The following CSGALNACT2 variants were observed in gnomAD, a reference collection of about 807,000 sequenced individuals.
CSGALNACT2 encodes beta 4 GalNAcT-2.
Under a neutral mutation model 55.3 loss-of-function variants are expected in CSGALNACT2, and 35 were observed. The observed-to-expected ratio is 0.63, with a 90% CI of 0.48 to 0.84. CSGALNACT2 has a LOEUF of 0.84. CSGALNACT2 is among the 40% of genes least tolerant of loss of function. The pLI is 0.00. For missense variants in CSGALNACT2, 544 were observed against 657.5 expected, an observed-to-expected ratio of 0.83 and a Z score of 1.89; for synonymous variants, 196 against 224.9, an observed-to-expected ratio of 0.87 and a Z score of 1.15.
chr10:43,155,895 C>T (rs41298785), intron 2 of CSGALNACT2, 85 bp downstream of exon 2: 41 of 1,125,444 alleles, frequency 3.6e-5, no homozygotes, highest in Middle Eastern at 2.1e-4. Context: ...TAGTATTGTA[C>T]TGTAGACAAA....
intron 1 of CSGALNACT2, among the ~76,000 whole-genome samples, chr10:43,147,378 C>A (rs1380086446): frequency 6.6e-6 from 1 of 152,120 alleles, no homozygotes; most frequent in Non-Finnish European, 1.5e-5. Context: ...AAAATATATT[C>A]TTGGTACAAG....
intron 1 of CSGALNACT2, among the ~76,000 whole-genome samples, chr10:43,151,731 T>A (rs902751666): frequency 1.3e-5 from 2 of 152,192 alleles, no homozygotes; most frequent in African/African-American, 4.8e-5. Context: ...ATGAGCTGCA[T>A]CCCATGAACT....
chr10:43,167,165 T>C, intron 6 of CSGALNACT2, 67 bp downstream of exon 6: 1 of 1,020,676 alleles, frequency 9.8e-7, no homozygotes, highest in Non-Finnish European at 1.5e-6. Flanking sequence ...GTTGTGTAAG[T>C]AGAAAACAAA....
chr10:43,162,096 A>C (rs1011339729), intron 4 of CSGALNACT2: 4 of 507,560 alleles, frequency 7.9e-6, no homozygotes, highest in Non-Finnish European at 1.6e-5. Flanking sequence ...AAATCAAAAC[A>C]ACTCTTGTTT....
At chr10:43,156,149 T>A (rs1006879173) in intron 2 of CSGALNACT2, among the ~76,000 whole-genome samples, 2 of 152,198 alleles carry the variant, frequency 1.3e-5, no homozygotes, top group African/African-American at 4.8e-5. Context: ...TTTATGTTTT[T>A]AAAAAATGTG....
intron 6 of CSGALNACT2, among the ~76,000 whole-genome samples, chr10:43,167,980 T>G (rs1487385558): frequency 2.9e-5 from 3 of 102,036 alleles, no homozygotes; most frequent in Admixed American, 2.7e-4. Context: ...TACAAAAAAT[T>G]TAATCATAAA....
rs1185004351 is a variant in CSGALNACT2 at position 43,184,951 on chromosome 10, A to C, written c.*1409A>C. The C allele has an allele frequency of 6.6e-6, 1 of 152,078 alleles. No individual in the cohort carries two copies. Among genetic ancestry groups the C allele is most frequent in the Non-Finnish European group, 1.5e-5 (1 of 68,006 alleles). 9.4% of individuals were successfully genotyped at this position (152,078 alleles called of 1,614,324 possible). A position where few individuals can be genotyped will look rare whatever the true frequency, so the allele number is the denominator to read the frequency against. On this transcript the variant is annotated 3_prime_UTR_variant, in exon 8 of 8. Transcript: ENST00000374466. ...GCTATATTAATTCAATATTACAATA[A>C]CTCTTACCTAATTATTCTTACAAGT...
chr10:43,176,120 C>G (rs1839477028), intron 7 of CSGALNACT2, 88 bp downstream of exon 7: 3 of 1,048,584 alleles, frequency 2.9e-6, no homozygotes, highest in Non-Finnish European at 2.8e-6. Context: ...TGAGTGTTTT[C>G]CTACTAAAGT....
intron 1 of CSGALNACT2, among the ~76,000 whole-genome samples, chr10:43,140,441 A>G (rs1208175916): frequency 6.6e-6 from 1 of 152,234 alleles, no homozygotes; most frequent in Non-Finnish European, 1.5e-5. Context: ...AAGCATAACT[A>G]TTATGAGTTC....
intron 6 of CSGALNACT2, among the ~76,000 whole-genome samples, chr10:43,172,653 G>A (rs749591584): frequency 3.9e-5 from 6 of 152,142 alleles, no homozygotes; most frequent in Admixed American, 1.3e-4. Flanking sequence ...TTGATGCCAC[G>A]CACTATCCAC....
Position 43,160,515 on chromosome 10 carries a change from C to A in CSGALNACT2, c.900C>A (p.Asp300Glu). The change falls in exon 4 of 8, where the codon GAC (aspartate) becomes GAA (glutamate). Residue 300 changes from aspartate (D) to glutamate (E), a missense_variant. By Grantham distance (45) the Asp-to-Glu change is conservative. Coordinates refer to ENST00000374466, the MANE Select transcript of CSGALNACT2 (RefSeq NM_018590.5). The stretch of plus-strand genomic sequence containing the variant: ...TTAGGGATGTTTGTATTCATCAAGA[C>A]AAGAAGATTCATCTCACAGTGGTGT... ...QNFRDVCIHQDKKIHLTVVYF... is the reference protein window; with the variant it reads ...QNFRDVCIHQEKKIHLTVVYF... 2 of 1,571,500 alleles carry A rather than the reference C, an allele frequency of 1.3e-6. No homozygotes were observed. Among genetic ancestry groups the A allele is most frequent in the Non-Finnish European group, 8.7e-7 (1 of 1,143,444 alleles).
chr10:43,178,576 G>A (rs1839527968), intron 7 of CSGALNACT2, among the ~76,000 whole-genome samples: 1 of 144,612 alleles, frequency 6.9e-6, no homozygotes, highest in African/African-American at 2.6e-5. Flanking sequence ...AGCCGAGATT[G>A]CACCACTGCA....
At position 43,152,902 on chromosome 10, in the gene CSGALNACT2, C is replaced by G. The variant is rs112726902; in HGVS notation, c.-253-1995C>G. Among the ~76,000 whole-genome samples, 50 of 152,166 alleles carry G rather than the reference C, an allele frequency of 3.3e-4. 4 individuals carry two copies. The highest frequency in any genetic ancestry group is 1.2e-3 in the African/African-American group (50 of 41,518). On this transcript the variant is annotated intron_variant, in intron 1 of 7. Coordinates refer to ENST00000374466, the MANE Select transcript of CSGALNACT2 (RefSeq NM_018590.5). ...TTAAATAATGAAATTCAAGTGTTTT[C>G]TTATGCTAGGGATTATGGTTTTGAG...
At position 43,153,499 on chromosome 10, in the gene CSGALNACT2, CA is replaced by C. The variant is rs917391931; in HGVS notation, c.-253-1385del. Among the ~76,000 whole-genome samples, 734 of 137,496 alleles carry C rather than the reference CA, an allele frequency of 5.3e-3. 1 individual carries two copies. The highest frequency in any genetic ancestry group is 0.01 in the African/African-American group (379 of 37,470). The allele number at this position is 137,496 out of a possible 152,430, so 90.2% of individuals were successfully genotyped here. ...CCTATGTTTTATACAGACATGTTACCAAAAAAAAAAAAATACGCATTGCAGC... is the reference window on the plus strand; with the variant it reads ...CCTATGTTTTATACAGACATGTTACCAAAAAAAAAAAATACGCATTGCAGC... On this transcript the variant is annotated intron_variant, in intron 1 of 7. Transcript: ENST00000374466.
intron 1 of CSGALNACT2, among the ~76,000 whole-genome samples, chr10:43,152,420 C>CAGCT (rs2133105709): frequency 2.3e-5 from 1 of 44,378 alleles, no homozygotes; most frequent in African/African-American, 1.4e-4. Context: ...CAGAATTATG[C>CAGCT]AACTTTTACA....
At chr10:43,153,718 G>T (rs540952423) in intron 1 of CSGALNACT2, among the ~76,000 whole-genome samples, 2 of 152,122 alleles carry the variant, frequency 1.3e-5, no homozygotes, top group Admixed American at 1.3e-4. Context: ...AGTCCTCCTT[G>T]CCTCCCTTGT....
intron 5 of CSGALNACT2, among the ~76,000 whole-genome samples, chr10:43,166,284 G>A (rs1209159262): frequency 6.6e-6 from 1 of 152,212 alleles, no homozygotes; most frequent in Non-Finnish European, 1.5e-5. Flanking sequence ...GCATCTGCTA[G>A]GGATCTTGTA....
intron 4 of CSGALNACT2, chr10:43,163,598 G>A (rs1839197474): frequency 1.5e-5 from 15 of 985,324 alleles, no homozygotes; most frequent in African/African-American, 1.7e-5. Flanking sequence ...CTCCCCAAAA[G>A]GTGTTTAAGA....
At position 43,155,333 on chromosome 10, in the gene CSGALNACT2, C is replaced by T; in HGVS notation, c.184C>T (p.Gln62Ter). 2 of 1,614,108 alleles carry T rather than the reference C, an allele frequency of 1.2e-6. No individual in the cohort carries two copies. The highest frequency in any genetic ancestry group is 1.7e-6 in the Non-Finnish European group (2 of 1,180,030). Residue 62 changes from glutamine to a stop codon, truncating the protein, a stop_gained, in exon 2 of 8, where the codon CAG (glutamine) becomes TAG (stop). Transcript: ENST00000374466. LOFTEE classifies it high-confidence loss of function. ...TAAAGAGTATTATCAAGCCCTCCTA[C>T]AGGAACAAGAAGAACATTATCAGAC... Reference protein sequence around the residue: ...YGKEYYQALLQEQEEHYQTRA... With the variant: ...YGKEYYQALL
Sources: allele counts gnomAD v4.1 joint callset (sites outside exome capture counted in the v4.1 genomes callset), GRCh38; gene constraint gnomAD v4.1.1; transcripts MANE v1.5; gene names NCBI Gene and HGNC (gene_info 2026-07-23, HGNC 2026-07-21).